The following ALDH6A1 variants were observed in gnomAD, a reference collection of about 807,000 sequenced individuals.
ALDH6A1 encodes the protein methylmalonate-semialdehyde/malonate-semialdehyde dehydrogenase [acylating], mitochondrial.
A neutral mutation model predicts 62.6 loss-of-function variants in ALDH6A1; 43 were observed. That is an observed-to-expected ratio of 0.69 (90% confidence interval 0.54 to 0.89). The LOEUF is 0.89. Ranked by LOEUF, ALDH6A1 falls within the 40% of genes least tolerant of loss-of-function variation. The pLI is 0.00. For synonymous variants in ALDH6A1, 194 were observed against 234.2 expected (o/e 0.83, Z 1.57); for missense variants, 551 against 661.3 (o/e 0.83, Z 1.83).
intron 1 of ALDH6A1, among the ~76,000 whole-genome samples, chr14:74,081,523 A>G (rs75137158): frequency 0.018 from 2,793 of 152,278 alleles, 70 homozygotes; most frequent in African/African-American, 0.062. Context: ...TCGATCTTCT[A>G]TCTTTTCTTC....
rs2060272376 is a variant in ALDH6A1 at position 74,058,622 on chromosome 14, C to T, written c.*2020G>A. 1 of 150,566 alleles carries T rather than the reference C, an allele frequency of 6.6e-6. No homozygotes were observed. Among genetic ancestry groups the T allele is most frequent in the African/African-American group, 2.5e-5 (1 of 40,772 alleles). 9.3% of individuals were successfully genotyped at this position (150,566 alleles called of 1,614,324 possible). A position where few individuals can be genotyped will look rare whatever the true frequency, so the allele number is the denominator to read the frequency against. On this transcript the variant is annotated 3_prime_UTR_variant, in exon 12 of 12. Transcript: ENST00000553458. The stretch of plus-strand genomic sequence containing the variant: ...TTTTTTTTTTTTATCATACTTAATT[C>T]ATGAATAACCCCCATAGTGTAGGTT...
At chr14:74,064,674 T>C in intron 11 of ALDH6A1, 148 bp downstream of exon 11, 2 of 1,614,028 alleles carry the variant, frequency 1.2e-6, no homozygotes, top group Non-Finnish European at 1.7e-6. Context: ...TGTTAACTTT[T>C]AAATCTTTTT....
Position 74,060,135 on chromosome 14 carries a change from C to T in ALDH6A1, c.*507G>A, listed in dbSNP as rs1158891617. On this transcript the variant is annotated 3_prime_UTR_variant, in exon 12 of 12. Transcript: ENST00000553458. ...GTTCTTCTTGCAATTATTGGAACAT[C>T]TTCTTTAAAAAATTTTTTTTCCCTT... 1 of 158,406 alleles carries T rather than the reference C, an allele frequency of 6.3e-6. No individual in the cohort carries two copies. Among genetic ancestry groups the T allele is most frequent in the Non-Finnish European group, 1.4e-5 (1 of 71,484 alleles). The allele number at this position is 158,406 out of a possible 1,614,324, so 9.8% of individuals were successfully genotyped here.
chr14:74,074,918 C>T lies in ALDH6A1; in HGVS notation c.111+37G>A, dbSNP rs770059901. On this transcript the variant is annotated intron_variant, in intron 2 of 11. Coordinates refer to ENST00000553458, the MANE Select transcript of ALDH6A1 (RefSeq NM_005589.4). ...AGATACCCAAAACTATACTGAATTC[C>T]TTCTCAGAAGTCAACCTCTATGCCA... 3 of 1,597,666 alleles carry T rather than the reference C, an allele frequency of 1.9e-6. No homozygotes were observed. In the Admixed American group the frequency reaches 5.0e-5, roughly 27 times the overall value.
chr14:74,060,824 T>A, intron 11 of ALDH6A1, 78 bp from the exon 12 acceptor site: 103 of 895,178 alleles, frequency 1.2e-4, no homozygotes, highest in Non-Finnish European at 1.8e-4. Flanking sequence ...TTGAAGGAGG[T>A]ATTATAAAGT....
intron 1 of ALDH6A1, among the ~76,000 whole-genome samples, chr14:74,078,819 G>A (rs932064387): frequency 6.6e-6 from 1 of 151,190 alleles, no homozygotes; most frequent in Non-Finnish European, 1.5e-5. Context: ...GTGAGCCACT[G>A]CACCTGGCCA....
chr14:74,070,038 G>A lies in ALDH6A1; in HGVS notation c.731-1057C>T, dbSNP rs551450550. On this transcript the variant is annotated intron_variant, in intron 6 of 11. Coordinates refer to ENST00000553458, the MANE Select transcript of ALDH6A1 (RefSeq NM_005589.4). ...TTTTTTTTGTAGAGACGGGGGTTTC[G>A]CCACATGGCCCAGGCTGGTCTCGAA... is the stretch of plus-strand genomic sequence containing the variant. Among the ~76,000 whole-genome samples the A allele has an allele frequency of 4.6e-5, 7 of 151,400 alleles. No homozygotes were observed. In the South Asian group the frequency reaches 1.0e-3, roughly 23 times the overall value.
chr14:74,075,201 C>A (rs1306136149), intron 1 of ALDH6A1, among the ~76,000 whole-genome samples, 184 bp from the exon 2 acceptor site: 1 of 151,972 alleles, frequency 6.6e-6, no homozygotes, highest in East Asian at 1.9e-4. Flanking sequence ...AAACAATAAA[C>A]CATAATAATC....
intron 11 of ALDH6A1, among the ~76,000 whole-genome samples, chr14:74,062,174 G>C (rs1279506192): frequency 6.6e-6 from 1 of 151,762 alleles, no homozygotes; most frequent in Admixed American, 6.6e-5. Flanking sequence ...TCCAGCCTGG[G>C]CAACAGAGCA....
At position 74,058,012 on chromosome 14, in the gene ALDH6A1, A is replaced by AT. The variant is rs2060257454; in HGVS notation, c.*2629dup. 1.5e-6 allele frequency: 1 copy of AT among 670,624 alleles called. No individual in the cohort carries two copies. The highest frequency in any genetic ancestry group is 1.8e-6 in the Non-Finnish European group (1 of 541,554). The allele number at this position is 670,624 out of a possible 1,614,324, so 41.5% of individuals were successfully genotyped here. On this transcript the variant is annotated 3_prime_UTR_variant, in exon 12 of 12. Transcript: ENST00000553458. ...AATGACCTTTTATTTAACCCAGCCT[A>AT]TAGTTGTTGGATTGGATTAAATATC...
rs1438799800 is a variant in ALDH6A1, at chr14:74,066,994, CT to C, written c.1043-109del. The C allele has an allele frequency of 4.7e-6, 5 of 1,061,084 alleles. No individual in the cohort carries two copies. The African/African-American group carries it at 7.8e-5, about 17-fold the overall frequency. The allele number at this position is 1,061,084 out of a possible 1,614,324, so 65.7% of individuals were successfully genotyped here. A position where few individuals can be genotyped will look rare whatever the true frequency, so the allele number is the denominator to read the frequency against. On this transcript the variant is annotated intron_variant, in intron 8 of 11. Transcript: ENST00000553458. ...GCTTTAGGAGGCCAAGGCAGGAGGA[CT>C]GCTTGAGCCCAGGAGTTCCAGACCA...
At chr14:74,069,993 A>G (rs1158945911) in intron 6 of ALDH6A1, among the ~76,000 whole-genome samples, 1 of 151,066 alleles carries the variant, frequency 6.6e-6, no homozygotes, top group African/African-American at 2.4e-5. Context: ...ACATGCCACC[A>G]TTCCTGGCTA....
intron 7 of ALDH6A1, among the ~76,000 whole-genome samples, chr14:74,068,271 C>T (rs1697830433): frequency 1.3e-5 from 2 of 151,750 alleles, no homozygotes; most frequent in Non-Finnish European, 2.9e-5. Context: ...CCCAGCTACT[C>T]AGGAGGCTGA....
At position 74,058,755 on chromosome 14, in the gene ALDH6A1, T is replaced by G. The variant is rs566580516; in HGVS notation, c.*1887A>C. On this transcript the variant is annotated 3_prime_UTR_variant, in exon 12 of 12. Transcript: ENST00000553458. ...ATTCTGTTCAGCACATGAATTTCTG[T>G]TCTGACCTTAAGTTTAGATATATCA... is the stretch of plus-strand genomic sequence containing the variant. 38 of 152,566 alleles carry G rather than the reference T, an allele frequency of 2.5e-4. No individual in the cohort carries two copies. The highest frequency in any genetic ancestry group is 8.4e-4 in the African/African-American group (35 of 41,560). 9.5% of individuals were successfully genotyped at this position (152,566 alleles called of 1,614,324 possible). A position where few individuals can be genotyped will look rare whatever the true frequency, so the allele number is the denominator to read the frequency against.
chr14:74,077,969 G>C (rs535424921), intron 1 of ALDH6A1, among the ~76,000 whole-genome samples: 1 of 152,270 alleles, frequency 6.6e-6, no homozygotes, highest in East Asian at 1.9e-4. Context: ...ATAACGGCAC[G>C]GTGATTTCTG....
Position 74,084,374 on chromosome 14 carries a change from C to G in ALDH6A1, c.21G>C (p.Ala7=). Residue 7 remains alanine, a synonymous_variant, in exon 1 of 12, where the codon GCG becomes GCC. Coordinates refer to ENST00000553458, the MANE Select transcript of ALDH6A1 (RefSeq NM_005589.4). Reference sequence around the variant, plus strand: ...GCAGGATCCGGGCTCGCACTGCCGCCGCCGCCAATAGCGCCGCCATGGCTC... The same window carrying G: ...GCAGGATCCGGGCTCGCACTGCCGCGGCCGCCAATAGCGCCGCCATGGCTC... MAALLA[A]AAVRARILQV... 1.2e-6 allele frequency: 2 copies of G among 1,613,074 alleles called. No individual in the cohort carries two copies. The highest frequency in any genetic ancestry group is 1.7e-6 in the Non-Finnish European group (2 of 1,179,830).
Position 74,058,714 on chromosome 14 carries a change from A to C in ALDH6A1, c.*1928T>G, listed in dbSNP as rs1421132626. 1.3e-5 allele frequency: 2 copies of C among 152,144 alleles called. No homozygotes were observed. The highest frequency in any genetic ancestry group is 2.9e-5 in the Non-Finnish European group (2 of 68,088). 9.4% of individuals were successfully genotyped at this position (152,144 alleles called of 1,614,324 possible). A position where few individuals can be genotyped will look rare whatever the true frequency, so the allele number is the denominator to read the frequency against. The stretch of plus-strand genomic sequence containing the variant: ...AAAAAGAGGATTCAATTGGATTGGT[A>C]CTGCAAAAAGAATCCATTCTGTTCA... On this transcript the variant is annotated 3_prime_UTR_variant, in exon 12 of 12. Coordinates refer to ENST00000553458, the MANE Select transcript of ALDH6A1 (RefSeq NM_005589.4).
rs1189108377 is a variant in ALDH6A1, at chr14:74,066,744, A to G, written c.1185T>C (p.Asn395=). The change falls in exon 9 of 12, where the codon AAT becomes AAC. Residue 395 remains asparagine, a synonymous_variant. Coordinates refer to ENST00000553458, the MANE Select transcript of ALDH6A1 (RefSeq NM_005589.4). Reference sequence around the variant, plus strand: ...TGATGGTTGGTCCAACAAAGTTGCCATTTTCATAGCCTTTCACTTTAATTT... The same window carrying G: ...TGATGGTTGGTCCAACAAAGTTGCCGTTTTCATAGCCTTTCACTTTAATTT... ...GRKIKVKGYE[N]GNFVGPTIIS... 13 of 1,613,930 alleles carry G rather than the reference A, an allele frequency of 8.1e-6. No individual in the cohort carries two copies. Among genetic ancestry groups the G allele is most frequent in the South Asian group, 2.2e-5 (2 of 91,066 alleles).
rs1490321421 is a variant in ALDH6A1, at chr14:74,060,244, C to T, written c.*398G>A. ...TCAACTCCTGGGCTCAAGCAATCTG[C>T]CCACTGTGGCCTCCCAAAATGATGG... On this transcript the variant is annotated 3_prime_UTR_variant, in exon 12 of 12. Coordinates refer to ENST00000553458, the MANE Select transcript of ALDH6A1 (RefSeq NM_005589.4). 1 of 193,774 alleles carries T rather than the reference C, an allele frequency of 5.2e-6. No homozygotes were observed. Among genetic ancestry groups the T allele is most frequent in the Non-Finnish European group, 1.1e-5 (1 of 92,136 alleles). 12.0% of individuals were successfully genotyped at this position (193,774 alleles called of 1,614,324 possible). A position where few individuals can be genotyped will look rare whatever the true frequency, so the allele number is the denominator to read the frequency against.
Sources: gnomAD v4.1 joint callset for allele counts (sites outside exome capture counted in the v4.1 genomes callset) on GRCh38, gnomAD v4.1.1 for gene constraint, MANE v1.5 for transcripts, NCBI Gene and HGNC (gene_info 2026-07-23, HGNC 2026-07-21) for gene names.